The following GRM7 variants were observed in gnomAD, a reference collection of about 807,000 sequenced individuals.
The protein encoded by GRM7 is glutamate metabotropic receptor 7.
In GRM7, 35 loss-of-function variants were observed where a neutral mutation model predicts 84.5. The observed-to-expected ratio is 0.41, with a 90% CI of 0.32 to 0.55. GRM7 has a LOEUF of 0.55. GRM7 is among the 20% of genes least tolerant of loss of function. GRM7 has a pLI of 0.19. For missense variants in GRM7, 1,003 were observed against 1,194.6 expected (o/e 0.84, Z 2.36); for synonymous variants, 487 against 455.1 (o/e 1.07, Z -0.89).
chr3:7,131,550 C>T (rs968779436), intron 1 of GRM7, among the ~76,000 whole-genome samples: 2 of 152,140 alleles, frequency 1.3e-5, no homozygotes, highest in South Asian at 4.1e-4. Flanking sequence ...ACGATCTCGG[C>T]TCACTGAAAC....
At chr3:7,243,710 C>T (rs1007400480) in intron 2 of GRM7, among the ~76,000 whole-genome samples, 7 of 152,048 alleles carry the variant, frequency 4.6e-5, no homozygotes, top group Admixed American at 1.3e-4. Flanking sequence ...TACATTCATT[C>T]TAAGAGACAC....
chr3:7,385,401 C>A (rs777303166), intron 4 of GRM7, among the ~76,000 whole-genome samples: 3 of 148,766 alleles, frequency 2.0e-5, no homozygotes, highest in African/African-American at 4.9e-5. Context: ...CCTCGGTTCA[C>A]GCCATTCTCC....
At chr3:7,557,453 CA>C (rs1409521020) in intron 7 of GRM7, among the ~76,000 whole-genome samples, 1 of 152,012 alleles carries the variant, frequency 6.6e-6, no homozygotes, top group Non-Finnish European at 1.5e-5. Context: ...AAGTATTTGT[CA>C]AGTGAAAAAC....
chr3:6,972,074 G>T (rs1425172048), intron 1 of GRM7, among the ~76,000 whole-genome samples: 2 of 152,118 alleles, frequency 1.3e-5, no homozygotes, highest in Admixed American at 6.5e-5. Context: ...CTGTTTTGCA[G>T]TTGAGATAGC....
chr3:7,111,337 A>G (rs183788482), intron 1 of GRM7, among the ~76,000 whole-genome samples: 297 of 152,316 alleles, frequency 1.9e-3, no homozygotes, highest in Non-Finnish European at 3.8e-3. Context: ...AGAGGCCAGC[A>G]TTGTTCTTAA....
At chr3:7,388,184 T>C (rs1694858937) in intron 4 of GRM7, among the ~76,000 whole-genome samples, 1 of 152,114 alleles carries the variant, frequency 6.6e-6, no homozygotes, top group Non-Finnish European at 1.5e-5. Flanking sequence ...TCTAAGAGCC[T>C]TTTGGCACAG....
At chr3:7,185,432 C>T (rs532819747) in intron 2 of GRM7, among the ~76,000 whole-genome samples, 4 of 152,178 alleles carry the variant, frequency 2.6e-5, no homozygotes, top group African/African-American at 9.6e-5. Flanking sequence ...ACAATCTATA[C>T]CCAAGTCTAA....
chr3:7,139,051 AATAT>A (rs1304170354), intron 1 of GRM7, among the ~76,000 whole-genome samples: 1 of 147,718 alleles, frequency 6.8e-6, no homozygotes, highest in Non-Finnish European at 1.5e-5. Context: ...CCTACTTTAT[AATAT>A]ATAGTACATT....
chr3:7,555,829 G>A (rs1340356823), intron 7 of GRM7, among the ~76,000 whole-genome samples: 1 of 152,122 alleles, frequency 6.6e-6, no homozygotes, highest in East Asian at 1.9e-4. Context: ...CCTGCCATCT[G>A]TATAGCTGTC....
intron 5 of GRM7, among the ~76,000 whole-genome samples, chr3:7,432,141 G>T (rs953603254): frequency 1.3e-4 from 20 of 152,248 alleles, no homozygotes; most frequent in African/African-American, 4.8e-4. Flanking sequence ...CTGGATTCCA[G>T]CAGGAATTAT....
intron 7 of GRM7, among the ~76,000 whole-genome samples, chr3:7,546,074 A>G (rs1218230024): frequency 6.6e-6 from 1 of 152,154 alleles, no homozygotes; most frequent in Non-Finnish European, 1.5e-5. Context: ...ACTCAGCCCA[A>G]ATTTATTAAA....
intron 1 of GRM7, among the ~76,000 whole-genome samples, chr3:7,141,472 G>C (rs1444795398): frequency 6.6e-6 from 1 of 151,940 alleles, no homozygotes; most frequent in East Asian, 1.9e-4. Context: ...TCCCATGCGG[G>C]AAGATAAAAT....
At chr3:7,125,002 G>A (rs984189383) in intron 1 of GRM7, among the ~76,000 whole-genome samples, 5 of 151,978 alleles carry the variant, frequency 3.3e-5, no homozygotes, top group South Asian at 2.1e-4. Flanking sequence ...GCAGTGGCGC[G>A]GGTCTCAGCT....
chr3:7,092,658 C>T (rs544663279), intron 1 of GRM7, among the ~76,000 whole-genome samples: 122 of 151,932 alleles, frequency 8.0e-4, no homozygotes, highest in African/African-American at 2.7e-3. Context: ...TAGAGGGCTC[C>T]GGTATGCTCA....
rs142463852 is a variant in GRM7 at position 7,237,486 on chromosome 3, C to T, written c.737-61198C>T. On this transcript the variant is annotated intron_variant, in intron 2 of 9. Coordinates refer to ENST00000357716, the MANE Select transcript of GRM7 (RefSeq NM_000844.4). ...GGCTCGCTGACTTCAAGCATGAAGC[C>T]GTGGACGCTCGTGGTGAGTGTTACA... Among the ~76,000 whole-genome samples, 27 of 152,116 alleles carry T rather than the reference C, an allele frequency of 1.8e-4. No homozygotes were observed. The East Asian group carries it at 4.7e-3, about 26-fold the overall frequency.
At chr3:7,027,613 G>C (rs1415763302) in intron 1 of GRM7, among the ~76,000 whole-genome samples, 1 of 151,842 alleles carries the variant, frequency 6.6e-6, no homozygotes, top group Non-Finnish European at 1.5e-5. Context: ...ATGTATACTG[G>C]AATGATCTTA....
At chr3:7,693,030 T>C (rs1217022981) in intron 9 of GRM7, among the ~76,000 whole-genome samples, 3 of 151,970 alleles carry the variant, frequency 2.0e-5, no homozygotes, top group African/African-American at 7.2e-5. Context: ...TAATTTCACT[T>C]CCTCTTGGAT....
In GRM7 at chr3:7,319,990, T is replaced by C. The variant is rs182869259; in HGVS notation, c.1033+13338T>C. Among the ~76,000 whole-genome samples, 430 of 152,156 alleles carry C rather than the reference T, an allele frequency of 2.8e-3. 1 individual carries two copies. Among genetic ancestry groups the C allele is most frequent in the African/African-American group, 9.8e-3 (409 of 41,564 alleles). On this transcript the variant is annotated intron_variant, in intron 4 of 9. Transcript: ENST00000357716. ...TATCACACCAGATAGATTCTCAGGG[T>C]TCCATTTCCTGTCACTAATTCTACC...
intron 4 of GRM7, among the ~76,000 whole-genome samples, chr3:7,340,954 A>G (rs1184494466): frequency 1.3e-5 from 2 of 152,046 alleles, no homozygotes; most frequent in African/African-American, 2.4e-5. Context: ...TGTACCTGGC[A>G]CCTGCAGAGA....
Sources: allele counts gnomAD v4.1 joint callset (sites outside exome capture counted in the v4.1 genomes callset), GRCh38; gene constraint gnomAD v4.1.1; transcripts MANE v1.5; gene names NCBI Gene and HGNC (gene_info 2026-07-23, HGNC 2026-07-21).